The following GPHN variants were observed in gnomAD, a reference collection of about 807,000 sequenced individuals.
GPHN encodes the protein gephyrin.
GPHN carries 17 observed loss-of-function variants against 95.5 expected under a neutral mutation model. The ratio of observed to expected loss-of-function variants is 0.18; its 90% CI spans 0.12 to 0.27. The LOEUF is 0.27. GPHN is among the 10% of genes least tolerant of loss of function. The probability of loss-of-function intolerance (pLI) is 1.00; values close to 1 mark genes in which losing one functional copy is unlikely to be tolerated. For synonymous variants in GPHN, 320 were observed against 322.5 expected (o/e 0.99, Z 0.08); for missense variants, 660 against 978.1 (o/e 0.67, Z 4.34).
At chr14:66,747,149 C>G (rs2058183133) in intron 2 of GPHN, among the ~76,000 whole-genome samples, 1 of 152,126 alleles carries the variant, frequency 6.6e-6, no homozygotes, top group Non-Finnish European at 1.5e-5. Flanking sequence ...CCTCATCTGT[C>G]TACTAGTGTT....
At chr14:67,234,572 T>C in the GPHN span, among the ~76,000 whole-genome samples, 1 of 152,128 alleles carries the variant, frequency 6.6e-6, no homozygotes, top group African/African-American at 2.4e-5. Context: ...TGTTTTGAAA[T>C]AGAGTCTCAC....
the GPHN span, chr14:67,580,203 C>T: frequency 1.1e-4 from 27 of 238,176 alleles, no homozygotes; most frequent in African/African-American, 5.6e-4. Flanking sequence ...CGTGCCCACT[C>T]AGAGGCTCAC....
rs182484315 is a variant in GPHN, at chr14:67,164,379, A to G, written c.1911-783A>G. Among the ~76,000 whole-genome samples, 92 of 151,690 alleles carry G rather than the reference A, an allele frequency of 6.1e-4. 3 individuals are homozygous for G. The highest frequency in any genetic ancestry group is 2.2e-3 in the African/African-American group (89 of 41,334). On this transcript the variant is annotated intron_variant, in intron 19 of 22. Coordinates refer to ENST00000478722, the MANE Select transcript of GPHN (RefSeq NM_020806.5). The stretch of plus-strand genomic sequence containing the variant: ...TGATAAGAGGGAAGTGTTTATGTCT[A>G]TGCTAAGGATAGTTTTAAAAGGCTA...
intron 2 of GPHN, among the ~76,000 whole-genome samples, chr14:66,706,864 G>C (rs2061308271): frequency 6.6e-6 from 1 of 151,960 alleles, no homozygotes; most frequent in South Asian, 2.1e-4. Context: ...ACTATCCTCA[G>C]AGTGAACAGG....
the GPHN span, among the ~76,000 whole-genome samples, chr14:67,506,442 T>A: frequency 1.3e-5 from 2 of 152,142 alleles, no homozygotes; most frequent in African/African-American, 2.4e-5. Context: ...TTTACACTCA[T>A]TAGAAACATA....
At chr14:67,443,569 G>C in the GPHN span, among the ~76,000 whole-genome samples, 5 of 151,040 alleles carry the variant, frequency 3.3e-5, no homozygotes, top group African/African-American at 1.2e-4. Context: ...GCATAGGATA[G>C]ACATTTAGGA....
chr14:67,716,135 T>C, the GPHN span, among the ~76,000 whole-genome samples: 2 of 150,710 alleles, frequency 1.3e-5, no homozygotes, highest in African/African-American at 4.9e-5. Flanking sequence ...AGGCGGAGCT[T>C]GCAGTGGGCC....
the GPHN span, chr14:67,646,570 A>T: frequency 8.1e-7 from 1 of 1,228,784 alleles, no homozygotes; most frequent in Non-Finnish European, 1.2e-6. Context: ...TTGCATACCC[A>T]CGGACGCACA....
intron 9 of GPHN, among the ~76,000 whole-genome samples, chr14:67,000,048 T>C (rs2072108979): frequency 6.6e-6 from 1 of 151,850 alleles, no homozygotes; most frequent in African/African-American, 2.4e-5. Context: ...TCCTGTTGAC[T>C]AGACAGGGAC....
chr14:67,462,403 C>A, the GPHN span, among the ~76,000 whole-genome samples: 1 of 152,340 alleles, frequency 6.6e-6, no homozygotes, highest in South Asian at 2.1e-4. Context: ...CAGGCTGGAG[C>A]TCAGTGATCA....
the GPHN span, among the ~76,000 whole-genome samples, chr14:67,682,828 A>G: frequency 6.6e-6 from 1 of 152,252 alleles, no homozygotes; most frequent in Admixed American, 6.5e-5. Context: ...GTGCAAACCC[A>G]AATGCCCATC....
At chr14:67,651,473 G>A in the GPHN span, 1 of 1,613,768 alleles carries the variant, frequency 6.2e-7, no homozygotes, top group Non-Finnish European at 8.5e-7. Flanking sequence ...CAGCTTGTTG[G>A]TTGTCACTCT....
chr14:67,698,842 A>G, the GPHN span, among the ~76,000 whole-genome samples: 1 of 152,196 alleles, frequency 6.6e-6, no homozygotes, highest in Admixed American at 6.5e-5. Flanking sequence ...TTACTGTTCA[A>G]ATGTTACTGT....
the GPHN span, among the ~76,000 whole-genome samples, chr14:67,246,013 T>G: frequency 6.6e-6 from 1 of 152,158 alleles, no homozygotes; most frequent in African/African-American, 2.4e-5. Context: ...CATGATCTTT[T>G]TCCCATTGTA....
chr14:66,695,176 T>A (rs575354378), intron 2 of GPHN, among the ~76,000 whole-genome samples: 3 of 150,182 alleles, frequency 2.0e-5, no homozygotes, highest in Non-Finnish European at 4.5e-5. Context: ...AATAAATAAA[T>A]AAAAATAAAA....
chr14:67,715,438 T>C, the GPHN span, among the ~76,000 whole-genome samples: 1 of 152,242 alleles, frequency 6.6e-6, no homozygotes, highest in Non-Finnish European at 1.5e-5. Flanking sequence ...GTTGGATGCC[T>C]ATGACTTCAC....
At chr14:66,638,847 T>A (rs945150614) in intron 1 of GPHN, among the ~76,000 whole-genome samples, 4 of 152,146 alleles carry the variant, frequency 2.6e-5, no homozygotes, top group African/African-American at 9.7e-5. Flanking sequence ...TAGAAGCAGA[T>A]CCTCATACTG....
rs754420507 is a variant in GPHN at position 67,122,239 on chromosome 14, G to A, written c.1627-17G>A. 19 of 1,612,682 alleles carry A rather than the reference G, an allele frequency of 1.2e-5. No individual in the cohort carries two copies. The highest frequency in any genetic ancestry group is 1.5e-5 in the Non-Finnish European group (18 of 1,178,902). On this transcript the variant is annotated splice_polypyrimidine_tract_variant and intron_variant, in intron 16 of 22. Transcript: ENST00000478722. ...TAACCTAATAGAATAATTTGTGGTGGTTTTTTGGCTTTGTAGCTGCTAAAT... is the reference window on the plus strand; with the variant it reads ...TAACCTAATAGAATAATTTGTGGTGATTTTTTGGCTTTGTAGCTGCTAAAT...
At chr14:66,724,528 G>T (rs769045409) in intron 2 of GPHN, among the ~76,000 whole-genome samples, 3 of 152,158 alleles carry the variant, frequency 2.0e-5, no homozygotes, top group African/African-American at 4.8e-5. Context: ...GGCTGGAGTG[G>T]GAAGGGAAAA....
Sources: allele counts gnomAD v4.1 joint callset (sites outside exome capture counted in the v4.1 genomes callset), GRCh38; gene constraint gnomAD v4.1.1; transcripts MANE v1.5; gene names NCBI Gene and HGNC (gene_info 2026-07-23, HGNC 2026-07-21).